The following MACROD2 variants were observed in gnomAD, a reference collection of about 807,000 sequenced individuals.
The protein encoded by MACROD2 is ADP-ribose glycohydrolase MACROD2.
In MACROD2, 36 loss-of-function variants were observed where a neutral mutation model predicts 70.4. That is an observed-to-expected ratio of 0.51 (90% CI 0.39 to 0.68). The LOEUF (loss-of-function observed/expected upper bound fraction) is 0.68. Ranked by LOEUF, MACROD2 falls within the 30% of genes least tolerant of loss-of-function variation. The pLI is 0.00. For missense variants in MACROD2, 496 were observed against 538.4 expected (o/e 0.92, Z 0.78); for synonymous variants, 172 against 178.8 (o/e 0.96, Z 0.30).
intron 13 of MACROD2, among the ~76,000 whole-genome samples, chr20:15,975,769 T>C (rs899206203): frequency 5.9e-5 from 9 of 152,210 alleles, no homozygotes; most frequent in African/African-American, 2.2e-4. Context: ...TATGCATTTT[T>C]AGCGTATCCA....
At chr20:14,235,251 A>C (rs1456019098) in intron 3 of MACROD2, among the ~76,000 whole-genome samples, 1 of 152,228 alleles carries the variant, frequency 6.6e-6, no homozygotes, top group Non-Finnish European at 1.5e-5. Flanking sequence ...ATTATAGTAG[A>C]AAATATTTCA....
chr20:15,331,101 T>C (rs1465203333), intron 6 of MACROD2, among the ~76,000 whole-genome samples: 1 of 151,716 alleles, frequency 6.6e-6, no homozygotes, highest in Non-Finnish European at 1.5e-5. Flanking sequence ...CTAAGCCAGA[T>C]GCAGTAACAC....
chr20:15,897,800 T>C (rs1399871016), intron 10 of MACROD2, among the ~76,000 whole-genome samples: 1 of 152,242 alleles, frequency 6.6e-6, no homozygotes, highest in Non-Finnish European at 1.5e-5. Flanking sequence ...TTAATATCTC[T>C]AGTCTGTACA....
chr20:15,797,262 C>T (rs746281211), intron 8 of MACROD2, among the ~76,000 whole-genome samples: 4 of 152,140 alleles, frequency 2.6e-5, no homozygotes, highest in Non-Finnish European at 4.4e-5. Context: ...TACAGGCCTC[C>T]GCTACCACGC....
At chr20:14,945,335 C>T (rs1430891719) in intron 5 of MACROD2, among the ~76,000 whole-genome samples, 2 of 152,066 alleles carry the variant, frequency 1.3e-5, no homozygotes, top group African/African-American at 4.8e-5. Flanking sequence ...GTCTTGGCCT[C>T]CCAAAGTGCT....
chr20:14,153,073 A>C (rs2055047850), intron 3 of MACROD2, among the ~76,000 whole-genome samples: 1 of 152,188 alleles, frequency 6.6e-6, no homozygotes, highest in African/African-American at 2.4e-5. Flanking sequence ...TCATTTTCTG[A>C]TTGAATTGAA....
intron 4 of MACROD2, among the ~76,000 whole-genome samples, chr20:14,609,690 G>C (rs1406807329): frequency 6.6e-6 from 1 of 152,094 alleles, no homozygotes; most frequent in East Asian, 1.9e-4. Flanking sequence ...CCAGTTCTCA[G>C]TAAATCATGT....
chr20:15,928,803 G>C (rs1240128346), intron 10 of MACROD2, among the ~76,000 whole-genome samples: 1 of 152,166 alleles, frequency 6.6e-6, no homozygotes, highest in African/African-American at 2.4e-5. Context: ...TGGCAGTGCA[G>C]ACTCTTTAAG....
At chr20:16,032,085 A>T (rs1601352531) in intron 15 of MACROD2, among the ~76,000 whole-genome samples, 1 of 152,268 alleles carries the variant, frequency 6.6e-6, no homozygotes, top group Admixed American at 6.5e-5. Context: ...ATGTCACTAC[A>T]GTTATTTAAG....
At chr20:14,089,212 C>A (rs981654561) in intron 3 of MACROD2, among the ~76,000 whole-genome samples, 5 of 152,128 alleles carry the variant, frequency 3.3e-5, no homozygotes, top group African/African-American at 1.2e-4. Flanking sequence ...TCAGGAAGAT[C>A]CCAGGTAGAT....
intron 5 of MACROD2, among the ~76,000 whole-genome samples, chr20:15,116,354 G>A (rs780250084): frequency 2.6e-5 from 4 of 152,044 alleles, no homozygotes; most frequent in African/African-American, 7.2e-5. Context: ...TTTAGAAATT[G>A]TAATTAGGCC....
In MACROD2 at chr20:14,670,078, A is replaced by T. The variant is rs184035256; in HGVS notation, c.302-14765A>T. Among the ~76,000 whole-genome samples, 447 of 152,210 alleles carry T rather than the reference A, an allele frequency of 2.9e-3. 2 individuals are homozygous for T. Among genetic ancestry groups the T allele is most frequent in the African/African-American group, 9.8e-3 (406 of 41,538 alleles). On this transcript the variant is annotated intron_variant, in intron 4 of 17. Transcript: ENST00000684519. ...GTAAATTTCCCAGTTGTTTTAAAAA[A>T]AGGTATGTTGCCGAGCTTTTGAGGA... is the stretch of plus-strand genomic sequence containing the variant.
At chr20:15,424,425 G>A (rs974637956) in intron 6 of MACROD2, among the ~76,000 whole-genome samples, 1 of 152,172 alleles carries the variant, frequency 6.6e-6, no homozygotes, top group Admixed American at 6.5e-5. Flanking sequence ...AACATGTAGA[G>A]AAAAGAGTGG....
intron 6 of MACROD2, among the ~76,000 whole-genome samples, chr20:15,353,437 G>T (rs2078250319): frequency 6.6e-6 from 1 of 152,038 alleles, no homozygotes; most frequent in African/African-American, 2.4e-5. Context: ...CAGGACATAG[G>T]CATGGGCAAG....
rs77525780 is a variant in MACROD2, at chr20:15,529,767, C to T, written c.645+29920C>T. 3.3e-5 allele frequency among the ~76,000 whole-genome samples: 5 copies of T among 152,280 alleles called. No individual in the cohort carries two copies. In the South Asian group the frequency reaches 1.0e-3, roughly 32 times the overall value. On this transcript the variant is annotated intron_variant, in intron 8 of 17. Transcript: ENST00000684519. Reference sequence around the variant, plus strand: ...CTAACTTGACTGATATCCGCCCCCCCCACCTTTGACCGATTATGTTGACAT... The same window carrying T: ...CTAACTTGACTGATATCCGCCCCCCTCACCTTTGACCGATTATGTTGACAT...
intron 5 of MACROD2, among the ~76,000 whole-genome samples, chr20:14,974,881 G>A (rs1459138563): frequency 2.6e-5 from 4 of 152,066 alleles, no homozygotes; most frequent in Admixed American, 1.3e-4. Context: ...ACTGAGCCTG[G>A]GTTGGGTCTA....
At chr20:14,412,749 A>G (rs2083763512) in intron 3 of MACROD2, among the ~76,000 whole-genome samples, 1 of 152,180 alleles carries the variant, frequency 6.6e-6, no homozygotes, top group African/African-American at 2.4e-5. Context: ...GGGTCTGACA[A>G]TAATAAGATA....
At chr20:14,476,273 C>T (rs1224710138) in intron 3 of MACROD2, among the ~76,000 whole-genome samples, 1 of 152,152 alleles carries the variant, frequency 6.6e-6, no homozygotes, top group East Asian at 1.9e-4. Context: ...GAATATTATG[C>T]AACTGCATGC....
At chr20:15,519,052 C>CTCTT (rs1468927150) in intron 8 of MACROD2, among the ~76,000 whole-genome samples, 1 of 141,718 alleles carries the variant, frequency 7.1e-6, no homozygotes, top group African/African-American at 2.6e-5. Flanking sequence ...TGTTAACTCG[C>CTCTT]TCTTTCCTTC....
Sources: gnomAD v4.1 joint callset for allele counts (sites outside exome capture counted in the v4.1 genomes callset) on GRCh38, gnomAD v4.1.1 for gene constraint, MANE v1.5 for transcripts, NCBI Gene and HGNC (gene_info 2026-07-23, HGNC 2026-07-21) for gene names.